PAM: variants seen among roughly 807,000 people sequenced by gnomAD.
PAM encodes the protein peptidyl-glycine alpha-amidating monooxygenase.
PAM carries 72 observed loss-of-function variants against 122.1 expected under a neutral mutation model. That is an observed-to-expected ratio of 0.59 (90% CI 0.49 to 0.72). PAM has a LOEUF of 0.72. Ranked by LOEUF, PAM falls within the 30% of genes least tolerant of loss-of-function variation. The probability of loss-of-function intolerance (pLI) is 0.00; values close to 1 mark genes in which losing one functional copy is unlikely to be tolerated. For missense variants in PAM, 1,106 were observed against 1,183.7 expected (o/e 0.93, Z 0.96); for synonymous variants, 389 against 404.4 (o/e 0.96, Z 0.46).
At chr5:102,819,479 A>T (rs936437018) in intron 1 of PAM, among the ~76,000 whole-genome samples, 4 of 151,864 alleles carry the variant, frequency 2.6e-5, no homozygotes, top group Non-Finnish European at 4.4e-5. Flanking sequence ...ACCTTATTGA[A>T]TTTTAGTAGG....
At chr5:103,009,022 C>T (rs963967684) in intron 20 of PAM, among the ~76,000 whole-genome samples, 1 of 152,000 alleles carries the variant, frequency 6.6e-6, no homozygotes, top group Non-Finnish European at 1.5e-5. Flanking sequence ...TCAATGGTGG[C>T]TTAGCATTGT....
At chr5:102,779,916 T>TACACAC (rs1328714158) in intron 1 of PAM, among the ~76,000 whole-genome samples, 40 of 65,840 alleles carry the variant, frequency 6.1e-4, no homozygotes, top group African/African-American at 1.2e-3. Context: ...TATATATATA[T>TACACAC]ATACACACAT....
chr5:102,879,194 T>A (rs1340603970), intron 3 of PAM, among the ~76,000 whole-genome samples: 1 of 151,934 alleles, frequency 6.6e-6, no homozygotes, highest in Non-Finnish European at 1.5e-5. Context: ...CCTCCCAGAG[T>A]GCTGGGAGAT....
At chr5:102,780,753 C>CCCTT (rs1758542908) in intron 1 of PAM, among the ~76,000 whole-genome samples, 1 of 74,558 alleles carries the variant, frequency 1.3e-5, no homozygotes, top group Non-Finnish European at 2.7e-5. Flanking sequence ...TTCTTTCTTT[C>CCCTT]TCTTTCTTTC....
At chr5:103,019,143 G>T (rs991452804) in intron 22 of PAM, among the ~76,000 whole-genome samples, 2 of 152,116 alleles carry the variant, frequency 1.3e-5, no homozygotes, top group African/African-American at 2.4e-5. Context: ...TTACCTACGG[G>T]GGGGGACTGT....
chr5:102,770,668 A>G (rs1481104894), intron 1 of PAM, among the ~76,000 whole-genome samples: 4 of 152,096 alleles, frequency 2.6e-5, no homozygotes, highest in Non-Finnish European at 5.9e-5. Context: ...TATCACATTG[A>G]TTGATTTGTG....
intron 3 of PAM, among the ~76,000 whole-genome samples, chr5:102,884,993 C>G (rs954351842): frequency 1.3e-5 from 2 of 151,648 alleles, no homozygotes; most frequent in African/African-American, 4.9e-5. Context: ...TTACAAAGGG[C>G]AAATGATGTT....
At chr5:102,800,121 G>T (rs1764309946) in intron 1 of PAM, among the ~76,000 whole-genome samples, 1 of 152,156 alleles carries the variant, frequency 6.6e-6, no homozygotes, top group Non-Finnish European at 1.5e-5. Flanking sequence ...GCCACACTGG[G>T]CTTCCTTATG....
At chr5:102,780,271 G>A (rs1758359562) in intron 1 of PAM, among the ~76,000 whole-genome samples, 2 of 152,056 alleles carry the variant, frequency 1.3e-5, no homozygotes, top group Admixed American at 1.3e-4. Context: ...GATATGCCCC[G>A]AGGATCAGGG....
chr5:102,893,346 C>G (rs1485229929), intron 3 of PAM, among the ~76,000 whole-genome samples: 1 of 151,732 alleles, frequency 6.6e-6, no homozygotes, highest in Non-Finnish European at 1.5e-5. Flanking sequence ...CATGCTTTCT[C>G]CCTTTCCCAG....
At chr5:102,811,649 C>A (rs1767941030) in intron 1 of PAM, among the ~76,000 whole-genome samples, 2 of 152,218 alleles carry the variant, frequency 1.3e-5, no homozygotes, top group South Asian at 4.1e-4. Context: ...TTCTACCCGC[C>A]ATTGAAGGAT....
chr5:102,799,879 T>C (rs1764249717), intron 1 of PAM, among the ~76,000 whole-genome samples: 1 of 152,194 alleles, frequency 6.6e-6, no homozygotes, highest in South Asian at 2.1e-4. Flanking sequence ...AAAATATCAA[T>C]TCACATACTT....
At chr5:102,790,201 G>A (rs1199925385) in intron 1 of PAM, among the ~76,000 whole-genome samples, 2 of 151,970 alleles carry the variant, frequency 1.3e-5, no homozygotes, top group East Asian at 1.9e-4. Context: ...AGAAAACACA[G>A]CATTTAAAAT....
chr5:102,786,034 G>A lies in PAM; in HGVS notation c.-374+30686G>A, dbSNP rs142015395. ...ATAATTATTAGAATTTATGGAATATGTTAGCAGAATTATGGTAAAGCAAAG... is the reference window on the plus strand; with the variant it reads ...ATAATTATTAGAATTTATGGAATATATTAGCAGAATTATGGTAAAGCAAAG... On this transcript the variant is annotated intron_variant, in intron 1 of 25. Coordinates refer to ENST00000438793, the MANE Select transcript of PAM (RefSeq NM_001177306.2). Among the ~76,000 whole-genome samples the A allele has an allele frequency of 3.9e-3, 588 of 152,290 alleles. 5 individuals carry two copies. The highest frequency in any genetic ancestry group is 0.013 in the African/African-American group (538 of 41,552).
intron 7 of PAM, among the ~76,000 whole-genome samples, chr5:102,934,113 A>G (rs1288785278): frequency 6.6e-6 from 1 of 152,182 alleles, no homozygotes; most frequent in Non-Finnish European, 1.5e-5. Context: ...ATTTCGGAAT[A>G]CTTTCCATAT....
At chr5:102,874,781 TAGTG>T (rs113479664) in intron 3 of PAM, among the ~76,000 whole-genome samples, 13,552 of 151,936 alleles carry the variant, frequency 0.089, 1,473 homozygotes, top group African/African-American at 0.25. Context: ...AAAACATACT[TAGTG>T]AGTATTCATT....
chr5:102,872,161 G>C (rs1410854611), intron 3 of PAM, among the ~76,000 whole-genome samples: 2 of 152,000 alleles, frequency 1.3e-5, no homozygotes, highest in Non-Finnish European at 2.9e-5. Context: ...GTCTCATTCA[G>C]CATTTGTCTT....
chr5:102,962,418 A>G (rs553464497), intron 14 of PAM, among the ~76,000 whole-genome samples: 3 of 151,966 alleles, frequency 2.0e-5, no homozygotes, highest in African/African-American at 7.2e-5. Flanking sequence ...GTAACTTCTT[A>G]TGAAGTTTGT....
chr5:102,851,422 C>A (rs775382402), intron 1 of PAM, among the ~76,000 whole-genome samples: 82 of 151,974 alleles, frequency 5.4e-4, no homozygotes, highest in African/African-American at 1.9e-3. Context: ...GCCTTTATCT[C>A]ATTACAATGT....
Sources: gnomAD v4.1 joint callset for allele counts (sites outside exome capture counted in the v4.1 genomes callset) on GRCh38, gnomAD v4.1.1 for gene constraint, MANE v1.5 for transcripts, NCBI Gene and HGNC (gene_info 2026-07-23, HGNC 2026-07-21) for gene names.